PCBP3: variants seen among roughly 807,000 people sequenced by gnomAD.
The protein encoded by PCBP3 is poly(rC) binding protein 3, also known as poly(rC)-binding protein 3.
A neutral mutation model predicts 52.7 loss-of-function variants in PCBP3; 25 were observed. The ratio of observed to expected loss-of-function variants is 0.47; its 90% CI spans 0.35 to 0.66. The LOEUF is 0.66. PCBP3 is among the 30% of genes least tolerant of loss of function. The pLI, the probability that PCBP3 is intolerant of heterozygous loss-of-function variation, is 0.01. For missense variants in PCBP3, 391 were observed against 490.3 expected (o/e 0.80, Z 1.91); for synonymous variants, 162 against 183.0 (o/e 0.89, Z 0.93).
chr21:45,900,894 C>CAG (rs1182663921), intron 8 of PCBP3, 103 bp from the exon 9 acceptor site: 1 of 801,248 alleles, frequency 1.2e-6, no homozygotes, highest in Non-Finnish European at 2.2e-6. Context: ...CGTCAGCGGA[C>CAG]AGAGGCATGT....
At chr21:45,908,416 G>T (rs1257496937) in intron 9 of PCBP3, among the ~76,000 whole-genome samples, 2 of 152,190 alleles carry the variant, frequency 1.3e-5, no homozygotes, top group Admixed American at 6.5e-5. Flanking sequence ...AGACAAAGGG[G>T]ACACCATCCT....
At chr21:45,792,071 C>T (rs935287404) in intron 4 of PCBP3, among the ~76,000 whole-genome samples, 1 of 152,284 alleles carries the variant, frequency 6.6e-6, no homozygotes, top group African/African-American at 2.4e-5. Context: ...GCCCACCTGG[C>T]CCAGGCCACT....
Position 45,837,307 on chromosome 21 carries a change from C to T in PCBP3, c.-125-12654C>T, listed in dbSNP as rs79821683. Among the ~76,000 whole-genome samples, 319 of 152,324 alleles carry T rather than the reference C, an allele frequency of 2.1e-3. No individual in the cohort carries two copies. Among genetic ancestry groups the T allele is most frequent in the African/African-American group, 7.4e-3 (307 of 41,586 alleles). ...ATGCACCTCCCGCCAGGGAGGGGAT[C>T]GTGACCCTCCCTTTAATCTGGGCAG... On this transcript the variant is annotated intron_variant, in intron 4 of 17. Transcript: ENST00000681687. This position sits in a 1 kb window ranked among gnomAD's most constrained non-coding sequence, Gnocchi z 4.1.
chr21:45,649,618 T>C (rs572713571), intron 1 of PCBP3, among the ~76,000 whole-genome samples: 1 of 152,330 alleles, frequency 6.6e-6, no homozygotes, highest in African/African-American at 2.4e-5. Flanking sequence ...TTCATGTACC[T>C]AATGATAATT....
At chr21:45,936,146 C>T (rs1373839953) in intron 16 of PCBP3, among the ~76,000 whole-genome samples, 1 of 152,214 alleles carries the variant, frequency 6.6e-6, no homozygotes, top group Non-Finnish European at 1.5e-5. Flanking sequence ...TCCTTCCTTT[C>T]ATACAAGTTG....
chr21:45,646,083 T>TCTCTCTCTCTCTCTCTCTTTCTCTC (rs1206207801), intron 1 of PCBP3, among the ~76,000 whole-genome samples: 1 of 99,574 alleles, frequency 1.0e-5, no homozygotes, highest in Non-Finnish European at 2.0e-5. Context: ...CTCTCTCTCT[T>TCTCTCTCTCTCTCTCTCTTTCTCTC]TCTCTCTCTC....
At chr21:45,668,257 C>T (rs2080937069) in intron 1 of PCBP3, among the ~76,000 whole-genome samples, 1 of 152,094 alleles carries the variant, frequency 6.6e-6, no homozygotes, top group Non-Finnish European at 1.5e-5. Flanking sequence ...GCATCTCATT[C>T]CCCAGATTTT....
At chr21:45,677,840 T>A (rs1186570119) in intron 2 of PCBP3, among the ~76,000 whole-genome samples, 1 of 152,186 alleles carries the variant, frequency 6.6e-6, no homozygotes, top group South Asian at 2.1e-4. Flanking sequence ...GTTTACTGAA[T>A]CTTTTAAGCC....
At chr21:45,863,106 T>TG (rs1489504940) in intron 5 of PCBP3, among the ~76,000 whole-genome samples, 1 of 152,152 alleles carries the variant, frequency 6.6e-6, no homozygotes, top group African/African-American at 2.4e-5. Context: ...GTCTTTCTTG[T>TG]GGGGCAGACC....
chr21:45,925,024 C>G (rs1306292451), intron 13 of PCBP3, among the ~76,000 whole-genome samples: 2 of 97,892 alleles, frequency 2.0e-5, no homozygotes, highest in South Asian at 2.8e-4. Flanking sequence ...GATGCGAACA[C>G]CGGGAACAGT....
intron 4 of PCBP3, among the ~76,000 whole-genome samples, chr21:45,771,516 CAG>C (rs1291437100): frequency 2.6e-5 from 4 of 152,172 alleles, no homozygotes; most frequent in Non-Finnish European, 5.9e-5. Context: ...AAACGAAAAA[CAG>C]TATCATTTTA....
intron 9 of PCBP3, among the ~76,000 whole-genome samples, chr21:45,907,123 G>C (rs544856309): frequency 6.6e-6 from 1 of 152,254 alleles, no homozygotes. Flanking sequence ...CTATGTCTCA[G>C]TTGTTCTTTC....
intron 5 of PCBP3, among the ~76,000 whole-genome samples, chr21:45,879,121 A>G (rs1368845601): frequency 6.6e-6 from 1 of 152,052 alleles, no homozygotes; most frequent in Non-Finnish European, 1.5e-5. Context: ...AGCAGCTGCA[A>G]CCACAGGTGC....
Position 45,791,185 on chromosome 21 carries a change from G to C in PCBP3, c.-126+35733G>C, listed in dbSNP as rs1432593186. Among the ~76,000 whole-genome samples, 1 of 152,204 alleles carries C rather than the reference G, an allele frequency of 6.6e-6. No homozygotes were observed. The highest frequency in any genetic ancestry group is 1.5e-5 in the Non-Finnish European group (1 of 68,046). On this transcript the variant is annotated intron_variant, in intron 4 of 17. Coordinates refer to ENST00000681687, the MANE Select transcript of PCBP3 (RefSeq NM_001384156.1). The surrounding 1 kb of genome is among the most constrained non-coding windows in gnomAD (Gnocchi z 4.2). ...TTGGTCGTCAGCCCAGCGTGGGAAG[G>C]GGGAGTTTTGAAGACAGGAATCGGT... is the stretch of plus-strand genomic sequence containing the variant.
At chr21:45,743,760 A>G (rs928574945) in intron 3 of PCBP3, among the ~76,000 whole-genome samples, 7 of 152,134 alleles carry the variant, frequency 4.6e-5, no homozygotes, top group African/African-American at 1.7e-4. Flanking sequence ...AGTGCTCTAT[A>G]AGGTTCTTTT....
intron 5 of PCBP3, among the ~76,000 whole-genome samples, chr21:45,868,544 T>C (rs1212245047): frequency 6.6e-6 from 1 of 151,834 alleles, no homozygotes; most frequent in East Asian, 1.9e-4. Flanking sequence ...CCTTAAGGCG[T>C]CTGGCCCGCG....
chr21:45,730,855 T>G (rs1257831037), intron 2 of PCBP3, among the ~76,000 whole-genome samples: 1 of 152,168 alleles, frequency 6.6e-6, no homozygotes, highest in African/African-American at 2.4e-5. Flanking sequence ...CACCTTTTTT[T>G]TATTAGAGTT....
chr21:45,855,870 T>C (rs954925802), intron 5 of PCBP3, among the ~76,000 whole-genome samples: 9 of 152,342 alleles, frequency 5.9e-5, no homozygotes, highest in African/African-American at 2.2e-4. Flanking sequence ...CTGACCTTTT[T>C]CCTCTCTTGC....
At chr21:45,823,434 A>G (rs7279479) in intron 4 of PCBP3, among the ~76,000 whole-genome samples, 151,286 of 152,312 alleles carry the variant, frequency 0.99, 75,134 homozygotes, top group Middle Eastern at 1. Flanking sequence ...AAGTGCAGCC[A>G]TTTAACCCCC....
Sources: gnomAD v4.1 joint callset for allele counts (sites outside exome capture counted in the v4.1 genomes callset) on GRCh38, gnomAD v4.1.1 for gene constraint, Gnocchi (gnomAD v3.1) non-coding constraint, MANE v1.5 for transcripts, NCBI Gene and HGNC (gene_info 2026-07-23, HGNC 2026-07-21) for gene names.